L3MBTL4: variants seen among roughly 807,000 people sequenced by gnomAD.
L3MBTL4 encodes the protein lethal(3)malignant brain tumor-like protein 4.
Under a neutral mutation model 84.5 loss-of-function variants are expected in L3MBTL4, and 70 were observed. The observed-to-expected ratio is 0.83, with a 90% confidence interval of 0.68 to 1.01. The LOEUF (loss-of-function observed/expected upper bound fraction) is 1.01. Among genes scored for constraint, L3MBTL4 ranks in the 50% least tolerant of loss-of-function variants. L3MBTL4 has a pLI of 0.00. For missense variants in L3MBTL4, 715 were observed against 754.8 expected, an observed-to-expected ratio of 0.95 and a Z score of 0.62; for synonymous variants, 274 against 259.8, an observed-to-expected ratio of 1.05 and a Z score of -0.52.
At chr18:6,153,650 T>C (rs940783507) in intron 13 of L3MBTL4, among the ~76,000 whole-genome samples, 10 of 152,168 alleles carry the variant, frequency 6.6e-5, no homozygotes, top group African/African-American at 2.4e-4. Flanking sequence ...CCAAATCTCA[T>C]CTCAAATTGC....
At chr18:6,273,945 G>A (rs1361866298) in intron 4 of L3MBTL4, among the ~76,000 whole-genome samples, 1 of 152,242 alleles carries the variant, frequency 6.6e-6, no homozygotes, top group East Asian at 1.9e-4. Context: ...AAACGCAAAT[G>A]TGGGGACCAC....
chr18:6,355,216 G>T (rs1451001151), intron 1 of L3MBTL4, among the ~76,000 whole-genome samples: 2 of 152,126 alleles, frequency 1.3e-5, no homozygotes, highest in Admixed American at 1.3e-4. Flanking sequence ...AAGGATAAAT[G>T]CTTGAGAGCA....
chr18:6,308,739 G>A lies in L3MBTL4; in HGVS notation c.72+2815C>T, dbSNP rs114463042. 2.9e-3 allele frequency among the ~76,000 whole-genome samples: 449 copies of A among 152,220 alleles called. 4 individuals carry two copies. The highest frequency in any genetic ancestry group is 0.01 in the African/African-American group (432 of 41,520). On this transcript the variant is annotated intron_variant, in intron 3 of 18. Coordinates refer to ENST00000317931, the MANE Select transcript of L3MBTL4 (RefSeq NM_001330559.2). ...TGTGTATATGTGCATAAAAGGTTTG[G>A]AATTTTTAGCTGTCTTTTTTTTTCT...
intron 4 of L3MBTL4, among the ~76,000 whole-genome samples, chr18:6,299,569 C>T (rs1284013771): frequency 1.3e-5 from 2 of 152,216 alleles, no homozygotes; most frequent in Admixed American, 6.5e-5. Flanking sequence ...CAGTATCAGT[C>T]GCACAGACTG....
chr18:5,989,392 A>G (rs565973723), intron 16 of L3MBTL4, among the ~76,000 whole-genome samples: 50 of 142,978 alleles, frequency 3.5e-4, no homozygotes, highest in African/African-American at 1.2e-3. Context: ...CAGTATGTGG[A>G]AAGTTTTATT....
At chr18:6,183,585 C>T (rs145240259) in intron 12 of L3MBTL4, among the ~76,000 whole-genome samples, 2 of 152,232 alleles carry the variant, frequency 1.3e-5, no homozygotes, top group African/African-American at 4.8e-5. Context: ...AGTTTTTCTA[C>T]TAAATCACAT....
intron 16 of L3MBTL4, among the ~76,000 whole-genome samples, chr18:5,969,911 G>T (rs540457339): frequency 6.6e-6 from 1 of 152,186 alleles, no homozygotes; most frequent in Non-Finnish European, 1.5e-5. Context: ...TCAAGGAACC[G>T]TGCAGAATTT....
intron 13 of L3MBTL4, among the ~76,000 whole-genome samples, chr18:6,162,275 C>T (rs918883141): frequency 3.9e-5 from 6 of 152,062 alleles, no homozygotes; most frequent in Non-Finnish European, 5.9e-5. Flanking sequence ...TCTCTAAGAT[C>T]ATTTTCCCAA....
At chr18:6,264,596 C>T (rs1449336948) in intron 4 of L3MBTL4, among the ~76,000 whole-genome samples, 1 of 152,126 alleles carries the variant, frequency 6.6e-6, no homozygotes, top group African/African-American at 2.4e-5. Context: ...CCCGCCTGGC[C>T]AATATGGTGA....
intron 1 of L3MBTL4, among the ~76,000 whole-genome samples, chr18:6,314,986 G>A (rs928455676): frequency 6.6e-6 from 1 of 152,116 alleles, no homozygotes; most frequent in Non-Finnish European, 1.5e-5. Flanking sequence ...TAACAGCACT[G>A]CTTTCACTCC....
chr18:6,166,974 A>G (rs1309095658), intron 13 of L3MBTL4, among the ~76,000 whole-genome samples: 2 of 152,198 alleles, frequency 1.3e-5, no homozygotes, highest in Non-Finnish European at 2.9e-5. Context: ...AATAGACGCA[A>G]TAAAAAATGA....
chr18:6,283,552 CTA>C (rs1238672484), intron 4 of L3MBTL4, among the ~76,000 whole-genome samples: 2 of 151,520 alleles, frequency 1.3e-5, no homozygotes, highest in Admixed American at 6.6e-5. Context: ...TAGGAACCTC[CTA>C]AGCAAAATAT....
chr18:6,036,607 T>C (rs1425172546), intron 16 of L3MBTL4, among the ~76,000 whole-genome samples: 31 of 152,224 alleles, frequency 2.0e-4, no homozygotes, highest in Non-Finnish European at 2.9e-5. Context: ...AGGCTCTTTT[T>C]CAGGCACATT....
At chr18:6,120,935 C>T (rs1215308969) in intron 14 of L3MBTL4, among the ~76,000 whole-genome samples, 1 of 152,148 alleles carries the variant, frequency 6.6e-6, no homozygotes, top group African/African-American at 2.4e-5. Flanking sequence ...CATTCTGGTG[C>T]ATGTCTTTTG....
At chr18:6,222,319 GTCAAAGAGCTCATTTTATAA>G (rs1307635453) in intron 10 of L3MBTL4, among the ~76,000 whole-genome samples, 2 of 152,180 alleles carry the variant, frequency 1.3e-5, no homozygotes, top group Non-Finnish European at 2.9e-5. Context: ...TCAGGAGCTT[GTCAAAGAGCTCATTTTATAA>G]TTGATTGTTT....
intron 16 of L3MBTL4, among the ~76,000 whole-genome samples, chr18:6,000,593 A>C (rs972575045): frequency 1.3e-5 from 2 of 152,258 alleles, no homozygotes; most frequent in East Asian, 3.8e-4. Flanking sequence ...TGTCTGAGGA[A>C]AAATCAAAAC....
chr18:5,967,402 C>T (rs1352396945), intron 17 of L3MBTL4, among the ~76,000 whole-genome samples: 1 of 152,266 alleles, frequency 6.6e-6, no homozygotes, highest in African/African-American at 2.4e-5. Context: ...AATGCCTGCA[C>T]AGGGCGTGGT....
intron 5 of L3MBTL4, chr18:6,258,823 G>C (rs899587867): frequency 6.6e-6 from 1 of 152,510 alleles, no homozygotes; most frequent in Non-Finnish European, 1.5e-5. Context: ...GTGGGAGAGG[G>C]TGGAGGAGGG....
intron 18 of L3MBTL4, among the ~76,000 whole-genome samples, chr18:5,958,070 GAAGAAGAAGA>G: frequency 5.6e-5 from 2 of 35,752 alleles, no homozygotes; most frequent in African/African-American, 3.6e-4. Context: ...AGGAGAAGAA[GAAGAAGAAGA>G]AGAAGAAGAA....
Sources: gnomAD v4.1 joint callset for allele counts (sites outside exome capture counted in the v4.1 genomes callset) on GRCh38, gnomAD v4.1.1 for gene constraint, MANE v1.5 for transcripts, NCBI Gene and HGNC (gene_info 2026-07-23, HGNC 2026-07-21) for gene names.